FUOM: variants seen among roughly 807,000 people sequenced by gnomAD.
The protein encoded by FUOM is protein fucU homolog.
FUOM carries 19 observed loss-of-function variants against 18.3 expected under a neutral mutation model. The ratio of observed to expected loss-of-function variants is 1.04; its 90% CI spans 0.73 to 1.53. The LOEUF (loss-of-function observed/expected upper bound fraction) is 1.53, where lower values mean the gene tolerates loss of function less well. Among genes scored for constraint, FUOM ranks in the 40% most tolerant of loss-of-function variants. The pLI is 0.00. For synonymous variants in FUOM, 102 were observed against 87.9 expected (o/e 1.16, Z -0.90); for missense variants, 210 against 200.9 (o/e 1.04, Z -0.27).
At position 133,355,576 on chromosome 10, in the gene FUOM, C is replaced by T. The variant is rs117818301; in HGVS notation, c.399-140G>A. On this transcript the variant is annotated intron_variant, in intron 5 of 5. Transcript: ENST00000278025. ...CAGGCAAATGGGGGCCCTGCCCCCCCGAAATTCCTCCCTGGTCTCTCCACT... is the reference window on the plus strand; with the variant it reads ...CAGGCAAATGGGGGCCCTGCCCCCCTGAAATTCCTCCCTGGTCTCTCCACT... The T allele has an allele frequency of 1.7e-4, 271 of 1,593,404 alleles. 4 individuals carry two copies. In the East Asian group the frequency reaches 5.6e-3, roughly 33 times the overall value.
At chr10:133,355,538 C>A in intron 5 of FUOM, 102 bp from the exon 6 acceptor site, 1 of 1,609,300 alleles carries the variant, frequency 6.2e-7, no homozygotes. Flanking sequence ...TCCACCTTCA[C>A]CCACTTGATG....
intron 1 of FUOM, 124 bp from the exon 2 acceptor site, chr10:133,357,379 T>C (rs925505222): frequency 2.1e-6 from 2 of 975,380 alleles, no homozygotes; most frequent in Non-Finnish European, 3.2e-6. Context: ...GTCAGCCAGT[T>C]GGGCGCCCCC....
chr10:133,355,336 G>T lies in FUOM; in HGVS notation c.*34C>A. 1 of 1,568,326 alleles carries T rather than the reference G, an allele frequency of 6.4e-7. No homozygotes were observed. On this transcript the variant is annotated 3_prime_UTR_variant, in exon 6 of 6. Transcript: ENST00000278025. ...GGTACTGGAGCTCAGGGTGCCCCCA[G>T]TTCCTCTTCCGGCCCAGGTGGTCTT...
intron 3 of FUOM, 43 bp downstream of exon 3, chr10:133,356,900 T>G: frequency 1.3e-6 from 2 of 1,536,998 alleles, no homozygotes; most frequent in Non-Finnish European, 1.8e-6. Context: ...AAGGGGAAAC[T>G]GAGGCACGGA....
intron 4 of FUOM, 86 bp from the exon 5 acceptor site, chr10:133,355,897 G>C (rs901098908): frequency 4.5e-6 from 5 of 1,116,456 alleles, no homozygotes; most frequent in Middle Eastern, 4.1e-4. Context: ...CCCAAAGCAG[G>C]GAGGGCACCA....
chr10:133,355,457 G>C (rs748174044), intron 5 of FUOM, 21 bp from the exon 6 acceptor site: 2 of 1,609,488 alleles, frequency 1.2e-6, no homozygotes, highest in African/African-American at 1.3e-5. Flanking sequence ...GCCAAGCCCA[G>C]CACTGAGCTG....
chr10:133,354,134 G>A (rs1226910572), downstream of FUOM, among the ~76,000 whole-genome samples: 1 of 152,176 alleles, frequency 6.6e-6, no homozygotes, highest in Non-Finnish European at 1.5e-5. Flanking sequence ...GGGGATGGGC[G>A]AGGGTGTGTG....
chr10:133,354,315 G>A (rs576389854), downstream of FUOM, among the ~76,000 whole-genome samples: 1 of 152,316 alleles, frequency 6.6e-6, no homozygotes, highest in South Asian at 2.1e-4. Context: ...GGACCCCAAA[G>A]TCTGCAGCCA....
At chr10:133,357,896 C>CCCGAGGCCCCGGCCCGCTGCGCTCA in intron 1 of FUOM, 27 bp downstream of exon 1, 1 of 1,512,264 alleles carries the variant, frequency 6.6e-7, no homozygotes, top group East Asian at 2.7e-5. Flanking sequence ...CGGGGTGCTC[C>CCCGAGGCCCCGGCCCGCTGCGCTCA]CCGAGGCCCC....
chr10:133,354,497 C>G (rs1848731786), downstream of FUOM, among the ~76,000 whole-genome samples: 1 of 152,174 alleles, frequency 6.6e-6, no homozygotes, highest in South Asian at 2.1e-4. Context: ...CCCTGTCATC[C>G]CCACTCCTGC....
At chr10:133,357,466 G>T (rs753351700) in intron 1 of FUOM, 5 of 616,516 alleles carry the variant, frequency 8.1e-6, no homozygotes, top group Non-Finnish European at 1.2e-5. Flanking sequence ...TCCCTGCCTG[G>T]GAGGCAGAGA....
intron 5 of FUOM, 21 bp downstream of exon 5, chr10:133,355,717 T>C: frequency 6.2e-7 from 1 of 1,611,994 alleles, no homozygotes; most frequent in Non-Finnish European, 8.5e-7. Flanking sequence ...ATGGGGCAGG[T>C]CTGAGCCAGC....
intron 4 of FUOM, among the ~76,000 whole-genome samples, chr10:133,356,193 T>C (rs2133418129): frequency 6.6e-6 from 1 of 152,306 alleles, no homozygotes; most frequent in South Asian, 2.1e-4. Context: ...AATGGGCCTG[T>C]CCCCTTGCAG....
chr10:133,356,435 G>A (rs1848801202), intron 4 of FUOM, among the ~76,000 whole-genome samples: 1 of 152,188 alleles, frequency 6.6e-6, no homozygotes, highest in Non-Finnish European at 1.5e-5. Context: ...GAAAGCTCGG[G>A]GGCAGAGGAA....
At chr10:133,352,967 G>T (rs922316207), downstream of FUOM, among the ~76,000 whole-genome samples, 2 of 152,210 alleles carry the variant, frequency 1.3e-5, no homozygotes, top group African/African-American at 4.8e-5. Flanking sequence ...GCTCCCAGAA[G>T]GTTGCACTAC....
At position 133,357,057 on chromosome 10, in the gene FUOM, C is replaced by T. The variant is rs545301679; in HGVS notation, c.155-44G>A. On this transcript the variant is annotated intron_variant, in intron 2 of 5. Transcript: ENST00000278025. The stretch of plus-strand genomic sequence containing the variant: ...AGCACTCAGTCTCCAGCCCGCCCGC[C>T]CGCCTGCCTGTCTGCACCCTTCACA... 1.9e-4 allele frequency: 299 copies of T among 1,545,582 alleles called. 6 individuals are homozygous for T. In the South Asian group the frequency reaches 3.4e-3, roughly 18 times the overall value.
At position 133,355,805 on chromosome 10, in the gene FUOM, G is replaced by T. The variant is rs373972455; in HGVS notation, c.331C>A (p.Leu111Met). ...ILRRAGCVRA[L>M]AKIERFEFYE... ...AACTCAAACCTCTCTATCTTTGCCA[G>T]GGCTCTCTGGAAGACAAAATGGCAG... The change falls in exon 5 of 6, where the codon CTG becomes ATG. Residue 111 changes from leucine to methionine, a missense_variant. Coordinates refer to ENST00000278025, the MANE Select transcript of FUOM (RefSeq NM_001098483.3). 8.7e-6 allele frequency: 14 copies of T among 1,612,884 alleles called. No homozygotes were observed. In the African/African-American group the frequency reaches 1.7e-4, roughly 20 times the overall value.
intron 3 of FUOM, 81 bp from the exon 4 acceptor site, chr10:133,356,819 G>T: frequency 6.9e-7 from 1 of 1,446,576 alleles, no homozygotes; most frequent in Non-Finnish European, 9.4e-7. Context: ...CCCCTGGTGA[G>T]GGTCAGGGCC....
chr10:133,357,038 C>G, intron 2 of FUOM, 25 bp from the exon 3 acceptor site: 4 of 1,548,750 alleles, frequency 2.6e-6, no homozygotes, highest in Non-Finnish European at 3.5e-6. Flanking sequence ...AGGCAGCACT[C>G]AGTCTCCAGC....
Sources: gnomAD v4.1 joint callset for allele counts (sites outside exome capture counted in the v4.1 genomes callset) on GRCh38, gnomAD v4.1.1 for gene constraint, MANE v1.5 for transcripts, NCBI Gene and HGNC (gene_info 2026-07-23, HGNC 2026-07-21) for gene names.